Variants in UNC80 observed in about 807,000 individuals in gnomAD.
UNC80 encodes the protein unc-80 subunit of NALCN channel complex.
UNC80 carries 164 observed loss-of-function variants against 384.6 expected under a neutral mutation model. That is an observed-to-expected ratio of 0.43 (90% CI 0.38 to 0.49). The LOEUF (loss-of-function observed/expected upper bound fraction) is 0.49. UNC80 is among the 20% of genes least tolerant of loss of function. UNC80 has a pLI of 0.00. For missense variants in UNC80, 3,330 were observed against 4,143.0 expected (o/e 0.80, Z 5.39); for synonymous variants, 1,486 against 1,527.8 (o/e 0.97, Z 0.64).
chr2:209,862,649 C>CTTTTTTGTTTTTTTTTTT, intron 22 of UNC80, among the ~76,000 whole-genome samples: 1 of 78,824 alleles, frequency 1.3e-5, no homozygotes, highest in Non-Finnish European at 2.4e-5. Context: ...GCAACCTCTG[C>CTTTTTTGTTTTTTTTTTT]TTTTTTTTTT....
intron 25 of UNC80, among the ~76,000 whole-genome samples, chr2:209,881,858 G>C (rs1364318527): frequency 6.6e-6 from 1 of 152,062 alleles, no homozygotes; most frequent in Non-Finnish European, 1.5e-5. Context: ...GCATCATCCA[G>C]CTGGAGCTGA....
At chr2:209,919,471 T>C (rs2089857660) in intron 33 of UNC80, among the ~76,000 whole-genome samples, 1 of 152,200 alleles carries the variant, frequency 6.6e-6, no homozygotes, top group South Asian at 2.1e-4. Context: ...ACTTTGTCCT[T>C]ATAGAATAGA....
Position 209,849,621 on chromosome 2 carries a change from C to T in UNC80, c.3625C>T (p.Leu1209=), listed in dbSNP as rs1002703303. 1 of 1,550,380 alleles carries T rather than the reference C, an allele frequency of 6.5e-7. No individual in the cohort carries two copies. Among genetic ancestry groups the T allele is most frequent in the South Asian group, 1.2e-5 (1 of 83,988 alleles). The change falls in exon 22 of 65, where the codon CTA becomes TTA. Residue 1209 remains leucine (L), a splice_region_variant and synonymous_variant. Transcript: ENST00000673920. ...DASILAAALD[L]EAPVVARAAL... ...CTCCATCCTAGCAGCTGCCTTGGATCTAGTAAGTTGGTGAAAGAATTTTCC... is the reference window on the plus strand; with the variant it reads ...CTCCATCCTAGCAGCTGCCTTGGATTTAGTAAGTTGGTGAAAGAATTTTCC...
Position 209,973,099 on chromosome 2 carries a change from C to T in UNC80, c.8416C>T (p.Leu2806=), listed in dbSNP as rs751037325. 3.5e-5 allele frequency: 55 copies of T among 1,551,554 alleles called. No individual in the cohort carries two copies. Among genetic ancestry groups the T allele is most frequent in the Non-Finnish European group, 4.4e-5 (51 of 1,147,014 alleles). ...PWLEQPEVQL[L]LQTVINVLLP... Reference sequence around the variant, plus strand: ...GCTGGAGCAGCCTGAGGTGCAGCTGCTGCTGCAGACAGTCATCAATGTACT... The same window carrying T: ...GCTGGAGCAGCCTGAGGTGCAGCTGTTGCTGCAGACAGTCATCAATGTACT... Residue 2806 remains leucine (L), a synonymous_variant, in exon 56 of 65, where the codon CTG becomes TTG. Coordinates refer to ENST00000673920, the MANE Select transcript of UNC80 (RefSeq NM_001371986.1).
chr2:209,849,665 A>G (rs1014747886), intron 22 of UNC80, 42 bp downstream of exon 22: 16 of 1,536,210 alleles, frequency 1.0e-5, no homozygotes, highest in Admixed American at 4.0e-5. Flanking sequence ...CCCCCATCCC[A>G]AGTAGCACTA....
intron 14 of UNC80, among the ~76,000 whole-genome samples, chr2:209,828,002 AAAGT>A: frequency 6.6e-6 from 1 of 152,206 alleles, no homozygotes; most frequent in Middle Eastern, 3.2e-3. Flanking sequence ...TTAAGTATTT[AAAGT>A]TTGATATTCT....
chr2:209,873,328 A>C (rs2084474657), intron 23 of UNC80, among the ~76,000 whole-genome samples: 1 of 152,178 alleles, frequency 6.6e-6, no homozygotes, highest in Non-Finnish European at 1.5e-5. Flanking sequence ...ATCTTTTTGA[A>C]AGTCATTGTT....
chr2:209,981,129 T>C (rs1211504588), intron 59 of UNC80, among the ~76,000 whole-genome samples: 1 of 152,232 alleles, frequency 6.6e-6, no homozygotes, highest in Non-Finnish European at 1.5e-5. Flanking sequence ...TAGTATCAGA[T>C]GGTCTTACAC....
At chr2:209,882,735 A>G (rs973411070) in intron 25 of UNC80, among the ~76,000 whole-genome samples, 2 of 152,212 alleles carry the variant, frequency 1.3e-5, no homozygotes, top group Non-Finnish European at 2.9e-5. Context: ...TCATAAAAGC[A>G]CAAAGTACAT....
At position 209,989,121 on chromosome 2, in the gene UNC80, T is replaced by C. The variant is rs908514835; in HGVS notation, c.9315-3045T>C. On this transcript the variant is annotated intron_variant, in intron 61 of 64. Coordinates refer to ENST00000673920, the MANE Select transcript of UNC80 (RefSeq NM_001371986.1). ...TGAGGCCAGGAGTTTGAGACCAGCC[T>C]GGACAACATGGTGAAACCCTGTGTC... Among the ~76,000 whole-genome samples, 4 of 148,124 alleles carry C rather than the reference T, an allele frequency of 2.7e-5. No individual in the cohort carries two copies. The Admixed American group carries it at 2.8e-4, about 10-fold the overall frequency.
chr2:209,819,429 C>T (rs761878941), intron 12 of UNC80, among the ~76,000 whole-genome samples, 168 bp downstream of exon 12: 9 of 151,436 alleles, frequency 5.9e-5, no homozygotes, highest in Non-Finnish European at 1.2e-4. Context: ...ATCATAGGTG[C>T]ACCTTACTTT....
intron 23 of UNC80, 105 bp from the exon 24 acceptor site, chr2:209,877,849 G>T: frequency 7.8e-7 from 1 of 1,284,654 alleles, no homozygotes; most frequent in Non-Finnish European, 1.0e-6. Flanking sequence ...GCTTATGCTG[G>T]AAATAATTCT....
At chr2:209,921,442 T>C in intron 33 of UNC80, 58 bp from the exon 34 acceptor site, 1 of 1,469,518 alleles carries the variant, frequency 6.8e-7, no homozygotes, top group Non-Finnish European at 9.1e-7. Context: ...ACACTCTTTA[T>C]GCCTGTGACC....
At chr2:209,951,974 T>A (rs1406800634) in intron 47 of UNC80, among the ~76,000 whole-genome samples, 1 of 152,250 alleles carries the variant, frequency 6.6e-6, no homozygotes, top group Non-Finnish European at 1.5e-5. Context: ...CTGTGTCTAA[T>A]CTACTATTAA....
chr2:209,815,194 T>G, intron 8 of UNC80, 63 bp from the exon 9 acceptor site: 1 of 1,478,090 alleles, frequency 6.8e-7, no homozygotes, highest in South Asian at 1.3e-5. Context: ...ATGTGACATT[T>G]CAATAAGAAC....
intron 25 of UNC80, 103 bp downstream of exon 25, chr2:209,881,197 G>T (rs1332445028): frequency 4.6e-6 from 6 of 1,293,132 alleles, no homozygotes. Flanking sequence ...CATGGCTAGT[G>T]TATCACATAA....
intron 56 of UNC80, among the ~76,000 whole-genome samples, chr2:209,975,110 A>G (rs537357859): frequency 1.7e-4 from 26 of 152,276 alleles, no homozygotes; most frequent in Admixed American, 1.7e-3. Context: ...ACTCTTGAGG[A>G]TTTTAGAGAA....
rs550181942 is a variant in UNC80 at position 209,860,359 on chromosome 2, C to T, written c.3627+10736C>T. Among the ~76,000 whole-genome samples the T allele has an allele frequency of 1.5e-4, 23 of 152,110 alleles. No individual in the cohort carries two copies. The East Asian group carries it at 2.1e-3, about 14-fold the overall frequency. On this transcript the variant is annotated intron_variant, in intron 22 of 64. Transcript: ENST00000673920. ...GGTTGTAGATGTGTGGTGTTATTTC[C>T]GAGGTCTCTGTTCTGCTCCATTGGT...
intron 39 of UNC80, 60 bp from the exon 40 acceptor site, chr2:209,935,654 C>T: frequency 1.2e-6 from 1 of 854,670 alleles, no homozygotes; most frequent in Non-Finnish European, 1.7e-6. Context: ...ATATTTTATG[C>T]TTTAAAATAC....
Sources: allele counts gnomAD v4.1 joint callset (sites outside exome capture counted in the v4.1 genomes callset), GRCh38; gene constraint gnomAD v4.1.1; transcripts MANE v1.5; gene names NCBI Gene and HGNC (gene_info 2026-07-23, HGNC 2026-07-21).